Variants in CNTN4 observed in about 807,000 individuals in gnomAD.
The protein encoded by CNTN4 is contactin-4.
CNTN4 carries 77 observed loss-of-function variants against 122.5 expected under a neutral mutation model. The observed-to-expected ratio is 0.63, with a 90% confidence interval of 0.52 to 0.76. The LOEUF is 0.76. CNTN4 is among the 30% of genes least tolerant of loss of function. CNTN4 has a pLI of 0.00. For missense variants in CNTN4, 1,256 were observed against 1,259.1 expected (o/e 1.00, Z 0.04); for synonymous variants, 512 against 447.0 (o/e 1.15, Z -1.83).
At chr3:2,741,691 C>T (rs1174972357) in intron 5 of CNTN4, among the ~76,000 whole-genome samples, 2 of 152,168 alleles carry the variant, frequency 1.3e-5, no homozygotes, top group East Asian at 1.9e-4. Flanking sequence ...TTAACTGGTC[C>T]TTGTTTGCCT....
At chr3:2,438,769 G>A (rs1022628169) in intron 3 of CNTN4, among the ~76,000 whole-genome samples, 14 of 152,270 alleles carry the variant, frequency 9.2e-5, no homozygotes, top group African/African-American at 3.4e-4. Context: ...GCTAAAGAAT[G>A]TGGACCACGG....
At chr3:2,348,916 C>T (rs2044504227) in intron 3 of CNTN4, among the ~76,000 whole-genome samples, 1 of 152,136 alleles carries the variant, frequency 6.6e-6, no homozygotes, top group Non-Finnish European at 1.5e-5. Context: ...GCTTCCCCAT[C>T]TATAAAATCA....
intron 4 of CNTN4, among the ~76,000 whole-genome samples, chr3:2,645,314 G>T (rs2083071181): frequency 6.6e-6 from 1 of 152,034 alleles, no homozygotes; most frequent in African/African-American, 2.4e-5. Flanking sequence ...ATTGTAAAGA[G>T]GTTCTTCTGA....
In CNTN4 at chr3:2,882,967, A is replaced by G. The variant is rs551853273; in HGVS notation, c.653-178A>G. On this transcript the variant is annotated intron_variant, in intron 8 of 24. Transcript: ENST00000418658. ...TCTGCGACACAAATTTTTCTGTAGC[A>G]GTAACTGGGAGAAGAGCCACAATTC... 4.7e-4 allele frequency: 261 copies of G among 556,902 alleles called. 5 individuals are homozygous for G. The South Asian group carries it at 4.9e-3, about 10-fold the overall frequency. 34.5% of individuals were successfully genotyped at this position (556,902 alleles called of 1,614,324 possible). A position where few individuals can be genotyped will look rare whatever the true frequency, so the allele number is the denominator to read the frequency against.
chr3:3,047,311 C>G (rs549763815), intron 23 of CNTN4, among the ~76,000 whole-genome samples: 2 of 152,316 alleles, frequency 1.3e-5, no homozygotes, highest in East Asian at 1.9e-4. Context: ...CACCCCAAAT[C>G]AACAGAATAT....
At chr3:2,707,757 C>A (rs111524439) in intron 4 of CNTN4, among the ~76,000 whole-genome samples, 10,825 of 152,152 alleles carry the variant, frequency 0.071, 642 homozygotes, top group African/African-American at 0.15. Context: ...GATCCTCCCC[C>A]TTTAGCCTCC....
intron 2 of CNTN4, among the ~76,000 whole-genome samples, chr3:2,306,094 A>G (rs1290430701): frequency 1.3e-5 from 2 of 152,092 alleles, no homozygotes; most frequent in African/African-American, 4.8e-5. Flanking sequence ...TGCTTTGAAT[A>G]TTGTGTACAA....
Position 3,026,104 on chromosome 3 carries a change from C to T in CNTN4, c.1489C>T (p.Pro497Ser). The change falls in exon 15 of 25, where the codon CCA becomes TCA. Residue 497 changes from proline (P) to serine (S), a missense_variant and splice_region_variant. Pro to Ser is a moderately conservative substitution (Grantham distance 74). Coordinates refer to ENST00000418658, the MANE Select transcript of CNTN4 (RefSeq NM_175607.3). Reference sequence around the variant, plus strand: ...TTTGTTTTGTTTTAACTCTCCAGATCCAACAAGGGTAATGGTACCCCCTTC... The same window carrying T: ...TTTGTTTTGTTTTAACTCTCCAGATTCAACAAGGGTAATGGTACCCCCTTC... ...SSTGNLVVKD[P>S]TRVMVPPSSM... The T allele has an allele frequency of 6.2e-7, 1 of 1,612,908 alleles. No homozygotes were observed. Among genetic ancestry groups the T allele is most frequent in the Non-Finnish European group, 8.5e-7 (1 of 1,179,134 alleles).
At chr3:2,271,080 G>A (rs778736926) in intron 2 of CNTN4, among the ~76,000 whole-genome samples, 11 of 152,100 alleles carry the variant, frequency 7.2e-5, no homozygotes, top group Non-Finnish European at 1.0e-4. Flanking sequence ...GGTAGAAAAC[G>A]AAATATCATG....
chr3:2,501,487 G>T (rs1180617614), intron 3 of CNTN4, among the ~76,000 whole-genome samples: 2 of 152,178 alleles, frequency 1.3e-5, no homozygotes, highest in African/African-American at 4.8e-5. Flanking sequence ...CCTTCAGGAG[G>T]TTCTAGGGGA....
chr3:3,056,427 A>G lies in CNTN4; in HGVS notation c.*207A>G, dbSNP rs1011122389. 25 of 545,894 alleles carry G rather than the reference A, an allele frequency of 4.6e-5. No homozygotes were observed. The Admixed American group carries it at 6.9e-4, about 15-fold the overall frequency. 33.8% of individuals were successfully genotyped at this position (545,894 alleles called of 1,614,324 possible). ...CTGAAGTTTCTTTGGAAACTCTGCA[A>G]TGCACTGAAGACATCTGTAATATGA... On this transcript the variant is annotated 3_prime_UTR_variant, in exon 25 of 25. Coordinates refer to ENST00000418658, the MANE Select transcript of CNTN4 (RefSeq NM_175607.3).
chr3:2,813,582 C>T (rs1020522220), intron 6 of CNTN4, among the ~76,000 whole-genome samples: 9 of 151,906 alleles, frequency 5.9e-5, no homozygotes, highest in Non-Finnish European at 1.3e-4. Flanking sequence ...CTTTTTATAC[C>T]TTCCTCTGAG....
intron 13 of CNTN4, among the ~76,000 whole-genome samples, chr3:2,978,219 C>T (rs1487288892): frequency 6.6e-6 from 1 of 152,214 alleles, no homozygotes; most frequent in Non-Finnish European, 1.5e-5. Context: ...TCCCCTCCCA[C>T]TGCATTGCTC....
chr3:3,050,263 C>T (rs1019676943), intron 23 of CNTN4, among the ~76,000 whole-genome samples: 3 of 151,896 alleles, frequency 2.0e-5, no homozygotes, highest in South Asian at 2.1e-4. Context: ...TCTAATTTCT[C>T]GGTTTTTAAA....
At chr3:2,598,998 G>T (rs1397864047) in intron 4 of CNTN4, among the ~76,000 whole-genome samples, 4 of 152,250 alleles carry the variant, frequency 2.6e-5, no homozygotes, top group South Asian at 2.1e-4. Flanking sequence ...CTATACAACA[G>T]AATACATTAT....
At chr3:2,320,363 T>C (rs1225614417) in intron 2 of CNTN4, among the ~76,000 whole-genome samples, 1 of 152,208 alleles carries the variant, frequency 6.6e-6, no homozygotes, top group Non-Finnish European at 1.5e-5. Flanking sequence ...TAATATAAGA[T>C]AGGAAATCCT....
chr3:2,944,052 T>C lies in CNTN4; in HGVS notation c.1358+18273T>C, dbSNP rs937399241. Among the ~76,000 whole-genome samples, 22 of 152,188 alleles carry C rather than the reference T, an allele frequency of 1.4e-4. No homozygotes were observed. The East Asian group carries it at 4.2e-3, about 29-fold the overall frequency. Reference sequence around the variant, plus strand: ...AGTAAAAAATAAAAATAAAAATCCATTGATGAATTTTTCCTCAGTAGCTCT... The same window carrying C: ...AGTAAAAAATAAAAATAAAAATCCACTGATGAATTTTTCCTCAGTAGCTCT... On this transcript the variant is annotated intron_variant, in intron 13 of 24. Coordinates refer to ENST00000418658, the MANE Select transcript of CNTN4 (RefSeq NM_175607.3).
rs147977858 is a variant in CNTN4, at chr3:2,844,520, T to G, written c.455-22232T>G. ...GACGCCTCGATGGAAAAGTTTAAAA[T>G]GTACTGGTTCATATGGACTGGGCAA... is the stretch of plus-strand genomic sequence containing the variant. On this transcript the variant is annotated intron_variant, in intron 7 of 24. Transcript: ENST00000418658. Among the ~76,000 whole-genome samples, 6 of 152,272 alleles carry G rather than the reference T, an allele frequency of 3.9e-5. No individual in the cohort carries two copies. In the East Asian group the frequency reaches 1.2e-3, roughly 30 times the overall value.
intron 3 of CNTN4, among the ~76,000 whole-genome samples, chr3:2,508,143 G>A (rs184349474): frequency 3.3e-5 from 5 of 152,236 alleles, no homozygotes; most frequent in East Asian, 1.9e-4. Context: ...TCTTATGTGC[G>A]TCCATACTTT....
Sources: allele counts gnomAD v4.1 joint callset (sites outside exome capture counted in the v4.1 genomes callset), GRCh38; gene constraint gnomAD v4.1.1; transcripts MANE v1.5; gene names NCBI Gene and HGNC (gene_info 2026-07-23, HGNC 2026-07-21).